CACNB2: variants seen among roughly 807,000 people sequenced by gnomAD.
CACNB2 encodes calcium voltage-gated channel auxiliary subunit beta 2.
Under a neutral mutation model 73.3 loss-of-function variants are expected in CACNB2, and 42 were observed. That is an observed-to-expected ratio of 0.57 (90% confidence interval 0.45 to 0.74). The LOEUF is 0.74. CACNB2 is among the 30% of genes least tolerant of loss of function. The probability of loss-of-function intolerance (pLI) is 0.00; values close to 1 mark genes in which losing one functional copy is unlikely to be tolerated. For missense variants in CACNB2, 940 were observed against 853.0 expected, an observed-to-expected ratio of 1.10 and a Z score of -1.27; for synonymous variants, 348 against 310.3, an observed-to-expected ratio of 1.12 and a Z score of -1.28.
At chr10:18,518,859 G>A (rs773108665) in intron 8 of CACNB2, 51 bp from the exon 9 acceptor site, 30 of 1,487,374 alleles carry the variant, frequency 2.0e-5, no homozygotes, top group South Asian at 1.6e-4. Context: ...TTTTATCATC[G>A]TTAGTAATTT....
At chr10:18,415,732 C>T (rs1177629713) in intron 3 of CACNB2, among the ~76,000 whole-genome samples, 1 of 152,162 alleles carries the variant, frequency 6.6e-6, no homozygotes, top group Non-Finnish European at 1.5e-5. Context: ...TTTTAAATCT[C>T]AATTCGCAAT....
intron 2 of CACNB2, among the ~76,000 whole-genome samples, chr10:18,209,156 GC>G (rs2035218843): frequency 6.6e-6 from 1 of 152,108 alleles, no homozygotes; most frequent in South Asian, 2.1e-4. Context: ...TCTTATTAAT[GC>G]ATCCAGGAAA....
intron 2 of CACNB2, chr10:18,401,107 G>A: frequency 6.2e-7 from 1 of 1,614,162 alleles, no homozygotes; most frequent in Non-Finnish European, 8.5e-7. Flanking sequence ...CTGTGTAAGC[G>A]CAAGGGCTTT....
Position 18,498,437 on chromosome 10 carries a change from C to G in CACNB2, c.416C>G (p.Ala139Gly). Residue 139 changes from alanine to glycine, a missense_variant, in exon 4 of 14, where the codon GCC (alanine) becomes GGC (glycine). Coordinates refer to ENST00000324631, the MANE Select transcript of CACNB2 (RefSeq NM_201596.3). ...GATGATGTTCCAGTGCCTGGCATGGCCATCTCATTCGAAGCAAAAGATTTT... is the reference window on the plus strand; with the variant it reads ...GATGATGTTCCAGTGCCTGGCATGGGCATCTCATTCGAAGCAAAAGATTTT... ...HEDDVPVPGM[A>G]ISFEAKDFLH... is the part of the protein sequence containing the mutation. 6.2e-7 allele frequency: 1 copy of G among 1,613,944 alleles called. No individual in the cohort carries two copies. The highest frequency in any genetic ancestry group is 8.5e-7 in the Non-Finnish European group (1 of 1,179,854).
At chr10:18,310,591 G>A (rs2039919608) in intron 2 of CACNB2, among the ~76,000 whole-genome samples, 1 of 29,522 alleles carries the variant, frequency 3.4e-5, no homozygotes, top group Non-Finnish European at 6.0e-5. Flanking sequence ...GGCAATAATA[G>A]CAAAACTCCA....
rs1489491866 is a variant in CACNB2, at chr10:18,289,284, G to GTTTTTTTTTTTTTTTT, written c.214-112633_214-112632insTTTTTTTTTTTTTTTT. ...GAAGTTGTCTTCATTTTTTTTTCTT[G>GTTTTTTTTTTTTTTTT]TTTTTTTGTTTTGTTTTTTTTTTTT... On this transcript the variant is annotated intron_variant, in intron 2 of 13. Transcript: ENST00000324631. Among the ~76,000 whole-genome samples the GTTTTTTTTTTTTTTTT allele has an allele frequency of 1.1e-4, 9 of 85,568 alleles. 1 individual carries two copies. Among genetic ancestry groups the GTTTTTTTTTTTTTTTT allele is most frequent in the African/African-American group, 4.7e-4 (8 of 17,138 alleles). 56.1% of individuals were successfully genotyped at this position (85,568 alleles called of 152,430 possible). A position where few individuals can be genotyped will look rare whatever the true frequency, so the allele number is the denominator to read the frequency against.
At chr10:18,312,083 C>T (rs1318258138) in intron 2 of CACNB2, among the ~76,000 whole-genome samples, 1 of 152,104 alleles carries the variant, frequency 6.6e-6, no homozygotes. Flanking sequence ...TTTTTTAAGC[C>T]TGTAAGTTGT....
chr10:18,225,612 C>T (rs945046300), intron 2 of CACNB2, among the ~76,000 whole-genome samples: 1 of 123,346 alleles, frequency 8.1e-6, no homozygotes, highest in Non-Finnish European at 1.6e-5. Context: ...TTTCTTCCGT[C>T]GTTTCTTCCT....
intron 4 of CACNB2, among the ~76,000 whole-genome samples, chr10:18,499,339 T>C (rs536150425): frequency 2.8e-4 from 42 of 152,256 alleles, no homozygotes; most frequent in South Asian, 1.7e-3. Context: ...AACCTAGGGC[T>C]GGGCCCGGTG....
At chr10:18,481,203 TATATATATATATATATATATATATA>T (rs1245878609) in intron 3 of CACNB2, among the ~76,000 whole-genome samples, 1,362 of 15,524 alleles carry the variant, frequency 0.088, 112 homozygotes, top group Non-Finnish European at 0.093. Flanking sequence ...TATATATATA[TATATATATATATATATATATATATA>T]TATTTTTTTT....
intron 2 of CACNB2, among the ~76,000 whole-genome samples, chr10:18,252,495 G>A (rs912951129): frequency 5.3e-5 from 8 of 152,110 alleles, no homozygotes; most frequent in Admixed American, 1.3e-4. Context: ...GATGCATTTC[G>A]AGCCTTGTTT....
intron 6 of CACNB2, among the ~76,000 whole-genome samples, chr10:18,509,426 C>G (rs2050651534): frequency 6.6e-6 from 1 of 152,098 alleles, no homozygotes; most frequent in Non-Finnish European, 1.5e-5. Context: ...ATACATCGCA[C>G]CCACACACAC....
chr10:18,495,591 G>T (rs11014506), intron 3 of CACNB2, among the ~76,000 whole-genome samples: 3 of 138,630 alleles, frequency 2.2e-5, no homozygotes, highest in Non-Finnish European at 4.7e-5. Flanking sequence ...GTGTGTGTGT[G>T]TATAAGAGAT....
At chr10:18,481,814 C>A (rs974931743) in intron 3 of CACNB2, among the ~76,000 whole-genome samples, 1 of 152,274 alleles carries the variant, frequency 6.6e-6, no homozygotes, top group Non-Finnish European at 1.5e-5. Flanking sequence ...GCTATATCAT[C>A]TTTTAAGTGG....
rs185588557 is a variant in CACNB2, at chr10:18,459,773, G to A, written c.334-38582G>A. On this transcript the variant is annotated intron_variant, in intron 3 of 13. Coordinates refer to ENST00000324631, the MANE Select transcript of CACNB2 (RefSeq NM_201596.3). ...TGTAATCCCAGCACTTTGGAAGGCC[G>A]TGATGGGTGGATCACCTGAGGTCAG... 1.4e-4 allele frequency among the ~76,000 whole-genome samples: 21 copies of A among 152,236 alleles called. No homozygotes were observed. In the East Asian group the frequency reaches 2.9e-3, roughly 21 times the overall value.
chr10:18,195,289 G>A (rs564807268), intron 2 of CACNB2, among the ~76,000 whole-genome samples: 2 of 152,296 alleles, frequency 1.3e-5, no homozygotes, highest in African/African-American at 4.8e-5. Flanking sequence ...GACAGAATCA[G>A]TGCTTCAAAC....
rs753822632 is a variant in CACNB2 at position 18,534,136 on chromosome 10, T to G, written c.1115T>G (p.Val372Gly). The G allele has an allele frequency of 2.5e-6, 4 of 1,613,830 alleles. No homozygotes were observed. The South Asian group carries it at 4.4e-5, about 18-fold the overall frequency. ...FELARTLQLV[V>G]LDADTINHPA... ...CTTGCAAGAACATTGCAGTTGGTGG[T>G]CCTTGACGCGGATACAATTAATCAT... The change falls in exon 11 of 14, where the codon GTC becomes GGC. Residue 372 changes from valine to glycine, a missense_variant. Physicochemically the swap from Val to Gly is moderately radical, Grantham distance 109. Coordinates refer to ENST00000324631, the MANE Select transcript of CACNB2 (RefSeq NM_201596.3).
In CACNB2 at chr10:18,289,281, C is replaced by CTT. The variant is rs1564407541; in HGVS notation, c.214-112642_214-112641dup. 2.4e-4 allele frequency among the ~76,000 whole-genome samples: 23 copies of CTT among 96,918 alleles called. 2 individuals carry two copies. Among genetic ancestry groups the CTT allele is most frequent in the African/African-American group, 1.0e-3 (18 of 17,824 alleles). 63.6% of individuals were successfully genotyped at this position (96,918 alleles called of 152,430 possible). A position where few individuals can be genotyped will look rare whatever the true frequency, so the allele number is the denominator to read the frequency against. ...TACGAAGTTGTCTTCATTTTTTTTT[C>CTT]TTGTTTTTTTGTTTTGTTTTTTTTT... On this transcript the variant is annotated intron_variant, in intron 2 of 13. Transcript: ENST00000324631.
chr10:18,408,639 C>G (rs567753696), intron 3 of CACNB2, among the ~76,000 whole-genome samples: 16 of 152,222 alleles, frequency 1.1e-4, no homozygotes, highest in Admixed American at 3.3e-4. Flanking sequence ...AAGCCTAAAA[C>G]CAAGATGCTC....
Sources: gnomAD v4.1 joint callset for allele counts (sites outside exome capture counted in the v4.1 genomes callset) on GRCh38, gnomAD v4.1.1 for gene constraint, MANE v1.5 for transcripts, NCBI Gene and HGNC (gene_info 2026-07-23, HGNC 2026-07-21) for gene names.